PRR16: variants seen among roughly 807,000 people sequenced by gnomAD.
PRR16 encodes protein Largen.
A neutral mutation model predicts 18.2 loss-of-function variants in PRR16; 6 were observed. The ratio of observed to expected loss-of-function variants is 0.33; its 90% CI spans 0.18 to 0.65. PRR16 has a LOEUF of 0.65. Ranked by LOEUF, PRR16 falls within the 30% of genes least tolerant of loss-of-function variation. PRR16 has a pLI of 0.74. For missense variants in PRR16, 412 were observed against 376.6 expected (o/e 1.09, Z -0.78); for synonymous variants, 151 against 147.8 (o/e 1.02, Z -0.16).
At chr5:120,492,439 G>A (rs1467280425) in intron 1 of PRR16, among the ~76,000 whole-genome samples, 1 of 152,094 alleles carries the variant, frequency 6.6e-6, no homozygotes, top group East Asian at 1.9e-4. Flanking sequence ...AACACATAGT[G>A]TTCAGTTTTC....
intron 1 of PRR16, among the ~76,000 whole-genome samples, chr5:120,674,360 T>C (rs910282439): frequency 1.3e-5 from 2 of 152,220 alleles, no homozygotes; most frequent in African/African-American, 4.8e-5. Flanking sequence ...TCTCGTTAAT[T>C]AACTTTTAAA....
intron 1 of PRR16, among the ~76,000 whole-genome samples, chr5:120,648,982 T>A (rs996184136): frequency 6.6e-6 from 1 of 152,186 alleles, no homozygotes; most frequent in Non-Finnish European, 1.5e-5. Context: ...TAACACGTTT[T>A]GAATGGTTAT....
chr5:120,697,337 C>T, the PRR16 span, among the ~76,000 whole-genome samples: 1 of 152,288 alleles, frequency 6.6e-6, no homozygotes, highest in East Asian at 1.9e-4. Context: ...ATGAGTACTC[C>T]CTGCTGGCAA....
chr5:120,586,446 G>A (rs976302325), intron 1 of PRR16, among the ~76,000 whole-genome samples: 2 of 151,970 alleles, frequency 1.3e-5, no homozygotes, highest in Non-Finnish European at 2.9e-5. Context: ...CCAATTGAAG[G>A]TTTGTGGCAA....
chr5:120,651,287 A>G (rs1013372763), intron 1 of PRR16, among the ~76,000 whole-genome samples: 3 of 151,860 alleles, frequency 2.0e-5, no homozygotes, highest in African/African-American at 4.8e-5. Flanking sequence ...TTGCCTGTTC[A>G]CTCTGATGGT....
At position 120,631,456 on chromosome 5, in the gene PRR16, A is replaced by G. The variant is rs115633751; in HGVS notation, c.160-54498A>G. The stretch of plus-strand genomic sequence containing the variant: ...CTGGGATGAGTTCTCAGCCCTGGTC[A>G]CTGGTGGCCTAGAAATAGATTTGGT... On this transcript the variant is annotated intron_variant, in intron 1 of 1. Transcript: ENST00000407149. Among the ~76,000 whole-genome samples, 426 of 152,242 alleles carry G rather than the reference A, an allele frequency of 2.8e-3. 1 individual carries two copies. Among genetic ancestry groups the G allele is most frequent in the African/African-American group, 9.7e-3 (404 of 41,562 alleles).
chr5:120,586,300 C>G (rs752168664), intron 1 of PRR16, among the ~76,000 whole-genome samples: 10 of 152,038 alleles, frequency 6.6e-5, no homozygotes, highest in Non-Finnish European at 1.3e-4. Context: ...ACCTAATTTA[C>G]CAAACTACTT....
At chr5:120,509,575 T>C (rs1438740466) in intron 1 of PRR16, among the ~76,000 whole-genome samples, 2 of 152,124 alleles carry the variant, frequency 1.3e-5, no homozygotes, top group Non-Finnish European at 2.9e-5. Context: ...TAGTTAAATG[T>C]AGTAGTATCT....
At chr5:120,703,014 G>C in the PRR16 span, among the ~76,000 whole-genome samples, 266 of 152,322 alleles carry the variant, frequency 1.7e-3, 2 homozygotes, top group Non-Finnish European at 3.2e-3. Flanking sequence ...GAGCAACATG[G>C]CTGTTTATTT....
At chr5:120,753,267 C>T in the PRR16 span, among the ~76,000 whole-genome samples, 5 of 151,988 alleles carry the variant, frequency 3.3e-5, no homozygotes, top group Non-Finnish European at 7.4e-5. Flanking sequence ...CAATCAGTCA[C>T]TCATTTGTGA....
intron 1 of PRR16, among the ~76,000 whole-genome samples, chr5:120,663,280 C>T (rs551084627): frequency 4.0e-5 from 6 of 151,858 alleles, no homozygotes; most frequent in South Asian, 2.1e-4. Context: ...TTTTGGTTTC[C>T]GCTAGTAAGT....
intron 1 of PRR16, among the ~76,000 whole-genome samples, chr5:120,580,989 G>A (rs1464729651): frequency 3.3e-5 from 5 of 151,910 alleles, no homozygotes; most frequent in Non-Finnish European, 7.4e-5. Context: ...AGTATTTTGT[G>A]TGTGTGTTTC....
At chr5:120,770,478 A>C in the PRR16 span, among the ~76,000 whole-genome samples, 606 of 152,134 alleles carry the variant, frequency 4.0e-3, no homozygotes, top group Non-Finnish European at 5.2e-3. Flanking sequence ...TACCAGACAA[A>C]AACATAAAGG....
chr5:120,686,329 T>G lies in PRR16; in HGVS notation c.535T>G (p.Leu179Val). Residue 179 changes from leucine to valine, a missense_variant, in exon 2 of 2, where the codon TTG (leucine) becomes GTG (valine). Physicochemically the swap from Leu to Val is conservative, Grantham distance 32 (BLOSUM62 1). Coordinates refer to ENST00000407149, the MANE Select transcript of PRR16 (RefSeq NM_001300783.2). The stretch of plus-strand genomic sequence containing the variant: ...TATCTGCTGCATACCCAACAGTAAC[T>G]TGGACAAGGCTCCAGTCCAGCTTCT... ...GDICCIPNSN[L>V]DKAPVQLLMH... The G allele has an allele frequency of 1.2e-6, 2 of 1,614,088 alleles. No individual in the cohort carries two copies. Among genetic ancestry groups the G allele is most frequent in the Non-Finnish European group, 1.7e-6 (2 of 1,179,988 alleles).
chr5:120,522,460 T>C (rs1751216327), intron 1 of PRR16, among the ~76,000 whole-genome samples: 1 of 152,244 alleles, frequency 6.6e-6, no homozygotes, highest in African/African-American at 2.4e-5. Context: ...GTTGACTGCA[T>C]AAATGTCTTC....
intron 1 of PRR16, among the ~76,000 whole-genome samples, chr5:120,537,128 A>G (rs1054057652): frequency 6.6e-6 from 1 of 152,132 alleles, no homozygotes; most frequent in Non-Finnish European, 1.5e-5. Flanking sequence ...TAATCTGTAC[A>G]ACAAACCCTC....
At chr5:120,494,527 T>C (rs1341634110) in intron 1 of PRR16, among the ~76,000 whole-genome samples, 2 of 152,118 alleles carry the variant, frequency 1.3e-5, no homozygotes, top group Admixed American at 1.3e-4. Flanking sequence ...TTGTCAGATA[T>C]AGGGTTTGAT....
rs773160314 is a variant in PRR16 at position 120,487,847 on chromosome 5, G to T, written c.159+23202G>T. Among the ~76,000 whole-genome samples the T allele has an allele frequency of 1.8e-3, 272 of 152,046 alleles. 1 individual carries two copies. Among genetic ancestry groups the T allele is most frequent in the Non-Finnish European group, 2.0e-3 (135 of 67,992 alleles). On this transcript the variant is annotated intron_variant, in intron 1 of 1. Coordinates refer to ENST00000407149, the MANE Select transcript of PRR16 (RefSeq NM_001300783.2). The stretch of plus-strand genomic sequence containing the variant: ...AACAGTACCGAATTTATTGAGAGTT[G>T]TTAGCATGAAGCGTTGTTGAATTTT...
the PRR16 span, among the ~76,000 whole-genome samples, chr5:120,775,794 C>CTTTTTTTTTTTTTTTTTTTTTTT: frequency 8.2e-6 from 1 of 122,570 alleles, no homozygotes. Context: ...CTACGCCTGG[C>CTTTTTTTTTTTTTTTTTTTTTTT]TATTTTTTTT....
Sources: gnomAD v4.1 joint callset for allele counts (sites outside exome capture counted in the v4.1 genomes callset) on GRCh38, gnomAD v4.1.1 for gene constraint, MANE v1.5 for transcripts, NCBI Gene and HGNC (gene_info 2026-07-23, HGNC 2026-07-21) for gene names.